Variants in DCN observed in about 807,000 individuals in gnomAD.
The protein encoded by DCN is decorin.
In DCN, 17 loss-of-function variants were observed where a neutral mutation model predicts 36.5. The observed-to-expected ratio is 0.47, with a 90% CI of 0.32 to 0.70. The LOEUF (loss-of-function observed/expected upper bound fraction) is 0.70. Ranked by LOEUF, DCN falls within the 30% of genes least tolerant of loss-of-function variation. DCN has a pLI of 0.04. For missense variants in DCN, 389 were observed against 430.1 expected, an observed-to-expected ratio of 0.90 and a Z score of 0.84; for synonymous variants, 163 against 161.4, an observed-to-expected ratio of 1.01 and a Z score of -0.07.
At chr12:91,172,440 CA>C (rs1054916488) in intron 2 of DCN, 13 of 178,054 alleles carry the variant, frequency 7.3e-5, no homozygotes, top group Non-Finnish European at 1.2e-4. Context: ...CCAGCCCCAC[CA>C]AAAACTTTTC....
chr12:91,160,545 A>G (rs1286847800), intron 3 of DCN, among the ~76,000 whole-genome samples: 1 of 152,086 alleles, frequency 6.6e-6, no homozygotes, highest in Non-Finnish European at 1.5e-5. Context: ...TAGAATCTCA[A>G]GCTCTGGGTC....
In DCN at chr12:91,164,834, A is replaced by G. The variant is rs559613109; in HGVS notation, c.212-117T>C. On this transcript the variant is annotated intron_variant, in intron 2 of 7. Coordinates refer to ENST00000052754, the MANE Select transcript of DCN (RefSeq NM_001920.5). ...TGATGATCATCTTAACAGTAACAACATATTTTTCTTCTTCTAAGAATTACA... is the reference window on the plus strand; with the variant it reads ...TGATGATCATCTTAACAGTAACAACGTATTTTTCTTCTTCTAAGAATTACA... The G allele has an allele frequency of 3.8e-5, 26 of 677,382 alleles. No individual in the cohort carries two copies. The Admixed American group carries it at 5.7e-4, about 15-fold the overall frequency. The allele number at this position is 677,382 out of a possible 1,614,324, so 42.0% of individuals were successfully genotyped here.
chr12:91,173,351 G>A (rs1213596234), intron 2 of DCN, among the ~76,000 whole-genome samples: 1 of 152,094 alleles, frequency 6.6e-6, no homozygotes, highest in East Asian at 1.9e-4. Context: ...CCCTCCTGGG[G>A]ACCAAGAAGG....
chr12:91,153,212 T>C (rs574376983), intron 5 of DCN, 23 bp from the exon 6 acceptor site: 1 of 1,298,178 alleles, frequency 7.7e-7, no homozygotes, highest in Non-Finnish European at 1.1e-6. Flanking sequence ...ATTAAAGATG[T>C]TAAATTAGCA....
intron 2 of DCN, among the ~76,000 whole-genome samples, chr12:91,165,365 C>T (rs1199742392): frequency 6.6e-6 from 1 of 152,090 alleles, no homozygotes; most frequent in Non-Finnish European, 1.5e-5. Context: ...GGTAGTATGA[C>T]ATATCTGAAA....
intron 5 of DCN, among the ~76,000 whole-genome samples, chr12:91,155,622 CTAT>C (rs1881719238): frequency 7.1e-6 from 1 of 141,624 alleles, no homozygotes; most frequent in African/African-American, 2.7e-5. Context: ...TAAGATCTAT[CTAT>C]CTATCTATCT....
chr12:91,147,615 ATAT>A (rs1196278248), intron 7 of DCN, among the ~76,000 whole-genome samples: 1 of 152,180 alleles, frequency 6.6e-6, no homozygotes, highest in Non-Finnish European at 1.5e-5. Flanking sequence ...TCTACATGAA[ATAT>A]TATGTTTTCA....
intron 2 of DCN, among the ~76,000 whole-genome samples, chr12:91,174,448 C>T: frequency 6.6e-6 from 1 of 151,994 alleles, no homozygotes; most frequent in Non-Finnish European, 1.5e-5. Context: ...CATTGAGAGT[C>T]TCTAATAAGT....
chr12:91,145,720 T>A lies in DCN; in HGVS notation c.*338A>T. The A allele has an allele frequency of 2.4e-6, 1 of 408,720 alleles. No homozygotes were observed. Among genetic ancestry groups the A allele is most frequent in the South Asian group, 1.9e-5 (1 of 53,268 alleles). The allele number at this position is 408,720 out of a possible 1,614,324, so 25.3% of individuals were successfully genotyped here. ...TCAATGAATTACAGAAGACTCATAC[T>A]CTTTTTATTTTTTCCTGGAAATTAA... On this transcript the variant is annotated 3_prime_UTR_variant, in exon 8 of 8. Coordinates refer to ENST00000052754, the MANE Select transcript of DCN (RefSeq NM_001920.5).
chr12:91,162,242 C>A (rs1882207840), intron 3 of DCN, among the ~76,000 whole-genome samples: 1 of 152,022 alleles, frequency 6.6e-6, no homozygotes, highest in Non-Finnish European at 1.5e-5. Flanking sequence ...CCCGGCCTTT[C>A]TGCATTTTTT....
intron 2 of DCN, chr12:91,172,562 T>A: frequency 2.2e-6 from 1 of 445,236 alleles, no homozygotes; most frequent in Non-Finnish European, 4.0e-6. Flanking sequence ...AATTCTATTC[T>A]CTTTCCAGTC....
chr12:91,169,389 A>C (rs572112660), intron 2 of DCN, among the ~76,000 whole-genome samples: 8 of 151,444 alleles, frequency 5.3e-5, no homozygotes, highest in African/African-American at 1.4e-4. Context: ...AAAAAAAAAA[A>C]AAAAAAAAAA....
chr12:91,163,910 T>C (rs990291824), intron 3 of DCN, among the ~76,000 whole-genome samples: 1 of 152,196 alleles, frequency 6.6e-6, no homozygotes, highest in Non-Finnish European at 1.5e-5. Flanking sequence ...TTGTGTTTTG[T>C]TCCACTATTA....
chr12:91,173,926 C>A (rs112129188), intron 2 of DCN, among the ~76,000 whole-genome samples: 151 of 152,184 alleles, frequency 9.9e-4, no homozygotes, highest in African/African-American at 3.4e-3. Flanking sequence ...GAAGAAGCAA[C>A]TACATAATTT....
intron 1 of DCN, chr12:91,179,178 A>G (rs1325818591): frequency 1.2e-5 from 2 of 162,152 alleles, no homozygotes; most frequent in African/African-American, 4.8e-5. Context: ...AATTTCTACT[A>G]TAAACCATTT....
At chr12:91,163,832 C>T (rs541525419) in intron 3 of DCN, among the ~76,000 whole-genome samples, 1 of 152,170 alleles carries the variant, frequency 6.6e-6, no homozygotes, top group East Asian at 1.9e-4. Flanking sequence ...ATTCACACCT[C>T]TCTTAGAAAA....
chr12:91,172,924 C>T (rs1229306293), intron 2 of DCN: 5 of 562,552 alleles, frequency 8.9e-6, no homozygotes, highest in Non-Finnish European at 1.6e-5. Flanking sequence ...TGTATAATCA[C>T]AGATATGTAT....
At chr12:91,162,025 C>T (rs1257962546) in intron 3 of DCN, among the ~76,000 whole-genome samples, 1 of 151,708 alleles carries the variant, frequency 6.6e-6, no homozygotes, top group Admixed American at 6.6e-5. Context: ...ACTGCAACCT[C>T]CCCATCCTGG....
chr12:91,178,618 G>A (rs968488826), intron 1 of DCN, 33 bp from the exon 2 acceptor site: 7 of 1,316,360 alleles, frequency 5.3e-6, no homozygotes, highest in Admixed American at 1.7e-5. Context: ...AAGAAGAGTA[G>A]CACTGCCTAA....
Sources: allele counts gnomAD v4.1 joint callset (sites outside exome capture counted in the v4.1 genomes callset), GRCh38; gene constraint gnomAD v4.1.1; transcripts MANE v1.5; gene names NCBI Gene and HGNC (gene_info 2026-07-23, HGNC 2026-07-21).